The following R3HDM1 variants were observed in gnomAD, a reference collection of about 807,000 sequenced individuals.
R3HDM1 encodes R3H domain containing 1.
A neutral mutation model predicts 141.1 loss-of-function variants in R3HDM1; 46 were observed. That is an observed-to-expected ratio of 0.33 (90% CI 0.26 to 0.42). The LOEUF (loss-of-function observed/expected upper bound fraction) is 0.42, where lower values mean the gene tolerates loss of function less well. R3HDM1 is among the 10% of genes least tolerant of loss of function. The pLI is 1.00. For missense variants in R3HDM1, 1,184 were observed against 1,368.3 expected (o/e 0.87, Z 2.12); for synonymous variants, 435 against 472.9 (o/e 0.92, Z 1.04).
At chr2:135,633,004 T>C (rs555962005) in intron 9 of R3HDM1, among the ~76,000 whole-genome samples, 41 of 152,336 alleles carry the variant, frequency 2.7e-4, no homozygotes, top group Admixed American at 5.2e-4. Context: ...TTCTCCCATT[T>C]TAAATAGTCT....
At chr2:135,625,840 C>T (rs1303203785) in intron 7 of R3HDM1, among the ~76,000 whole-genome samples, 2 of 152,198 alleles carry the variant, frequency 1.3e-5, no homozygotes, top group African/African-American at 2.4e-5. Context: ...TGTCAGGCCC[C>T]AGGAAAAGAA....
intron 21 of R3HDM1, among the ~76,000 whole-genome samples, chr2:135,693,101 A>AG (rs2072698483): frequency 6.6e-6 from 1 of 152,206 alleles, no homozygotes; most frequent in South Asian, 2.1e-4. Context: ...TTATATAACA[A>AG]GGGGAAAAAT....
chr2:135,709,112 C>T (rs543615962), intron 21 of R3HDM1, among the ~76,000 whole-genome samples: 22 of 152,176 alleles, frequency 1.4e-4, no homozygotes, highest in Non-Finnish European at 2.6e-4. Flanking sequence ...CTCGCTCTGT[C>T]GCACAGGCTG....
chr2:135,588,609 A>G (rs535354743), intron 1 of R3HDM1, among the ~76,000 whole-genome samples: 22 of 152,280 alleles, frequency 1.4e-4, no homozygotes, highest in African/African-American at 4.1e-4. Flanking sequence ...TGAGAAACTT[A>G]TGCTTGAGGT....
At chr2:135,693,577 G>A (rs1157381112) in intron 21 of R3HDM1, among the ~76,000 whole-genome samples, 1 of 152,148 alleles carries the variant, frequency 6.6e-6, no homozygotes. Flanking sequence ...ATGTGGTAAA[G>A]TAAAAAGGAC....
chr2:135,618,302 A>G lies in R3HDM1; in HGVS notation c.303+1545A>G, dbSNP rs532389983. 3.3e-5 allele frequency among the ~76,000 whole-genome samples: 5 copies of G among 151,620 alleles called. No individual in the cohort carries two copies. In the South Asian group the frequency reaches 1.0e-3, roughly 32 times the overall value. ...CAGCCTGCCGAGTAGCTGGAATTAT[A>G]GGCACCCGCCACCACGCCTGGCTAA... On this transcript the variant is annotated intron_variant, in intron 5 of 26. Transcript: ENST00000683871.
intron 20 of R3HDM1, among the ~76,000 whole-genome samples, chr2:135,676,006 G>A (rs900346937): frequency 3.3e-5 from 5 of 152,146 alleles, no homozygotes; most frequent in Non-Finnish European, 5.9e-5. Context: ...CCCAAAAAGC[G>A]ATGATATGTC....
At chr2:135,713,697 T>TA (rs1164284575) in intron 23 of R3HDM1, among the ~76,000 whole-genome samples, 1 of 152,132 alleles carries the variant, frequency 6.6e-6, no homozygotes, top group Non-Finnish European at 1.5e-5. Context: ...CAGTCTCCAT[T>TA]AAAAGGAACT....
intron 19 of R3HDM1, among the ~76,000 whole-genome samples, chr2:135,670,061 T>C (rs2105329590): frequency 6.8e-6 from 1 of 147,236 alleles, no homozygotes; most frequent in East Asian, 2.0e-4. Context: ...ACCCAGGGGG[T>C]TGAGGTGGCC....
chr2:135,653,145 C>T (rs1295176415), intron 18 of R3HDM1, among the ~76,000 whole-genome samples: 1 of 151,256 alleles, frequency 6.6e-6, no homozygotes, highest in Non-Finnish European at 1.5e-5. Context: ...CACTTGAGGT[C>T]AGGAGTTCGT....
chr2:135,584,373 T>A, intron 1 of R3HDM1: 1 of 936,916 alleles, frequency 1.1e-6, no homozygotes, highest in South Asian at 4.9e-5. Flanking sequence ...ATTGAGGATT[T>A]ATTTGAAAGT....
intron 1 of R3HDM1, among the ~76,000 whole-genome samples, chr2:135,548,590 C>T (rs998887272): frequency 6.6e-6 from 1 of 152,052 alleles, no homozygotes; most frequent in Non-Finnish European, 1.5e-5. Flanking sequence ...CCCCCCACCC[C>T]ATACCCCAAG....
intron 1 of R3HDM1, among the ~76,000 whole-genome samples, chr2:135,573,419 G>A (rs923597071): frequency 1.4e-4 from 22 of 152,076 alleles, no homozygotes; most frequent in African/African-American, 3.4e-4. Context: ...CCTGCCTGCC[G>A]CAAGACTTTG....
chr2:135,536,596 A>G, intron 1 of R3HDM1: 1 of 897,476 alleles, frequency 1.1e-6, no homozygotes, highest in Non-Finnish European at 1.3e-6. Context: ...ACCATTCTCG[A>G]GAGGGAATAA....
intron 1 of R3HDM1, chr2:135,559,078 T>A (rs1701303142): frequency 3.1e-6 from 3 of 958,216 alleles, no homozygotes; most frequent in Non-Finnish European, 3.7e-6. Context: ...TGTGTGTGTG[T>A]GTGTGTGTGT....
chr2:135,572,043 C>T (rs776347369), intron 1 of R3HDM1, among the ~76,000 whole-genome samples: 3 of 152,124 alleles, frequency 2.0e-5, no homozygotes, highest in Middle Eastern at 3.2e-3. Context: ...GCAACCTCCA[C>T]CTCCCGGGTT....
intron 3 of R3HDM1, among the ~76,000 whole-genome samples, chr2:135,610,300 A>C (rs1385041636): frequency 1.3e-5 from 2 of 152,210 alleles, no homozygotes; most frequent in Non-Finnish European, 1.5e-5. Context: ...TCACATTATT[A>C]TTAACAATAG....
intron 23 of R3HDM1, among the ~76,000 whole-genome samples, chr2:135,714,067 G>A (rs1302140916): frequency 6.6e-6 from 1 of 151,320 alleles, no homozygotes; most frequent in Non-Finnish European, 1.5e-5. Context: ...AAACTAGTGG[G>A]TGAAATTCTG....
At chr2:135,556,764 C>T (rs569341978) in intron 1 of R3HDM1, among the ~76,000 whole-genome samples, 6 of 152,082 alleles carry the variant, frequency 3.9e-5, no homozygotes, top group South Asian at 2.1e-4. Flanking sequence ...TTGATCTGCC[C>T]GCCTCGGCCT....
Sources: gnomAD v4.1 joint callset for allele counts (sites outside exome capture counted in the v4.1 genomes callset) on GRCh38, gnomAD v4.1.1 for gene constraint, MANE v1.5 for transcripts, NCBI Gene and HGNC (gene_info 2026-07-23, HGNC 2026-07-21) for gene names.